The following REXO5 variants were observed in gnomAD, a reference collection of about 807,000 sequenced individuals.
REXO5 encodes RNA exonuclease 5, also known as exonuclease NEF-sp.
In REXO5, 48 loss-of-function variants were observed where a neutral mutation model predicts 88.5. The observed-to-expected ratio is 0.54, with a 90% CI of 0.43 to 0.69. The LOEUF (loss-of-function observed/expected upper bound fraction) is 0.69, where lower values mean the gene tolerates loss of function less well. Among genes scored for constraint, REXO5 ranks in the 30% least tolerant of loss-of-function variants. REXO5 has a pLI of 0.00. For missense variants in REXO5, 749 were observed against 912.2 expected, an observed-to-expected ratio of 0.82 and a Z score of 2.30; for synonymous variants, 311 against 336.5, an observed-to-expected ratio of 0.92 and a Z score of 0.83.
At chr16:20,806,774 G>T in intron 1 of REXO5, 69 bp downstream of exon 1, 1 of 1,108,920 alleles carries the variant, frequency 9.0e-7, no homozygotes. Context: ...GGAACGGGGA[G>T]ATCGTTGGCA....
At chr16:20,806,447 T>A, upstream of REXO5, 1 of 1,553,028 alleles carries the variant, frequency 6.4e-7, no homozygotes. Flanking sequence ...CACTCCTTGC[T>A]TTTCCAAGTC....
At chr16:20,827,301 GT>G in intron 9 of REXO5, 51 bp from the exon 10 acceptor site, 5 of 1,600,416 alleles carry the variant, frequency 3.1e-6, no homozygotes, top group Non-Finnish European at 4.3e-6. Context: ...TAGCCCACTT[GT>G]TTTTTCCTTT....
In REXO5 at chr16:20,840,453, T is replaced by A. The variant is rs754679350; in HGVS notation, c.1611T>A (p.Val537=). 1 of 1,554,926 alleles carries A rather than the reference T, an allele frequency of 6.4e-7. No homozygotes were observed. Among genetic ancestry groups the A allele is most frequent in the Non-Finnish European group, 8.8e-7 (1 of 1,138,840 alleles). The stretch of plus-strand genomic sequence containing the variant: ...GCCCAGTCCAGTCAATGACTTTTGT[T>A]CTTGAAACCCGTCAGGTAAGACCGG... The part of the protein sequence containing the change: ...SFGPVQSMTF[V]LETRQPHLCI... The change falls in exon 15 of 20, where the codon GTT becomes GTA. Residue 537 remains valine, a synonymous_variant. Transcript: ENST00000261377.
chr16:20,817,588 G>T (rs982143526), intron 5 of REXO5, among the ~76,000 whole-genome samples: 1 of 152,084 alleles, frequency 6.6e-6, no homozygotes, highest in African/African-American at 2.4e-5. Flanking sequence ...CAACCTACAG[G>T]CTTTGAATGT....
At chr16:20,844,915 A>C (rs2081583896) in intron 17 of REXO5, 70 bp downstream of exon 17, 1 of 1,552,766 alleles carries the variant, frequency 6.4e-7, no homozygotes, top group Non-Finnish European at 8.8e-7. Flanking sequence ...AGGTCAGAGA[A>C]AGGAAGATTC....
chr16:20,818,366 T>C (rs2081113466), intron 5 of REXO5, among the ~76,000 whole-genome samples: 1 of 152,252 alleles, frequency 6.6e-6, no homozygotes, highest in African/African-American at 2.4e-5. Flanking sequence ...AATATTTAAA[T>C]ATTTTGCTGG....
At chr16:20,837,791 G>C (rs2081457527) in intron 13 of REXO5, among the ~76,000 whole-genome samples, 1 of 152,034 alleles carries the variant, frequency 6.6e-6, no homozygotes, top group Non-Finnish European at 1.5e-5. Flanking sequence ...TTTTGAGACA[G>C]GGTCTTGCTC....
In REXO5 at chr16:20,807,007, C is replaced by T; in HGVS notation, c.54C>T (p.Ser18=). Reference sequence around the variant, plus strand: ...GACACCCCAGGAAGGTCAGGGAAAGCAGGCAGGCCCCAAATAAGCTGGTCG... The same window carrying T: ...GACACCCCAGGAAGGTCAGGGAAAGTAGGCAGGCCCCAAATAAGCTGGTCG... The part of the protein sequence containing the change: ...TERHPRKVRE[S]RQAPNKLVGA... The change falls in exon 2 of 20, where the codon AGC becomes AGT. Residue 18 remains serine, a synonymous_variant. Coordinates refer to ENST00000261377, the MANE Select transcript of REXO5 (RefSeq NM_030941.3). 1.2e-6 allele frequency: 2 copies of T among 1,601,576 alleles called. No individual in the cohort carries two copies. Among genetic ancestry groups the T allele is most frequent in the Non-Finnish European group, 8.5e-7 (1 of 1,174,338 alleles).
intron 5 of REXO5, among the ~76,000 whole-genome samples, chr16:20,816,662 G>C (rs1184271520): frequency 1.3e-5 from 2 of 152,100 alleles, no homozygotes; most frequent in Non-Finnish European, 2.9e-5. Context: ...TTTTTTTAAG[G>C]AAAAATGGGC....
chr16:20,827,537 A>C, intron 10 of REXO5, 90 bp downstream of exon 10: 1 of 937,194 alleles, frequency 1.1e-6, no homozygotes, highest in South Asian at 1.5e-5. Context: ...TGCAAAATTC[A>C]GGGTTTCTGC....
chr16:20,824,405 C>G, intron 6 of REXO5, 34 bp from the exon 7 acceptor site: 1 of 1,257,990 alleles, frequency 7.9e-7, no homozygotes, highest in Non-Finnish European at 1.2e-6. Flanking sequence ...CATCTCTATT[C>G]TAAAGGCAAA....
At chr16:20,824,035 G>A (rs1791382414) in intron 6 of REXO5, among the ~76,000 whole-genome samples, 1 of 152,078 alleles carries the variant, frequency 6.6e-6, no homozygotes, top group Non-Finnish European at 1.5e-5. Context: ...TTCTCTTCCT[G>A]TATTTAGGAA....
rs2081587429 is a variant in REXO5 at position 20,845,145 on chromosome 16, G to GC, written c.2029dup (p.His677ProfsTer12). The GC allele has an allele frequency of 4.3e-6, 7 of 1,614,126 alleles. No individual in the cohort carries two copies. The highest frequency in any genetic ancestry group is 5.9e-6 in the Non-Finnish European group (7 of 1,180,022). On this transcript the variant is annotated frameshift_variant, in exon 18 of 20. Coordinates refer to ENST00000261377, the MANE Select transcript of REXO5 (RefSeq NM_030941.3). LOFTEE classifies it high-confidence loss of function. ...AAGGCAGGCATGCCCTAACCCCCAG[G>GC]CACCTCCATGCCTGGCTCAGAGGCT...
chr16:20,821,918 C>T lies in REXO5; in HGVS notation c.616+16C>T. ...CCATTACAAGGTTGGCTTAGGCTTA[C>T]TCTGATATTGCTAACAATGTAAGAA... On this transcript the variant is annotated intron_variant, in intron 6 of 19. Transcript: ENST00000261377. 2 of 1,543,638 alleles carry T rather than the reference C, an allele frequency of 1.3e-6. No individual in the cohort carries two copies. Among genetic ancestry groups the T allele is most frequent in the Non-Finnish European group, 1.7e-6 (2 of 1,151,292 alleles).
intron 13 of REXO5, among the ~76,000 whole-genome samples, chr16:20,835,466 T>C (rs978698284): frequency 6.6e-6 from 1 of 152,208 alleles, no homozygotes; most frequent in Non-Finnish European, 1.5e-5. Flanking sequence ...GATTGTTTCC[T>C]CTAATCCTTT....
chr16:20,831,899 G>T (rs1163638063), intron 11 of REXO5, among the ~76,000 whole-genome samples: 1 of 152,082 alleles, frequency 6.6e-6, no homozygotes, highest in Non-Finnish European at 1.5e-5. Flanking sequence ...GCCCTACTTG[G>T]CCCTTCCCCA....
intron 15 of REXO5, 109 bp from the exon 16 acceptor site, chr16:20,843,825 G>C (rs1351076688): frequency 7.4e-6 from 5 of 673,982 alleles, no homozygotes; most frequent in Non-Finnish European, 1.3e-5. Context: ...CACAGTAAAG[G>C]CATCCATTCT....
intron 6 of REXO5, chr16:20,823,595 G>A (rs530930902): frequency 1.3e-5 from 2 of 152,174 alleles, no homozygotes; most frequent in Non-Finnish European, 2.9e-5. Flanking sequence ...CTCTGGGATA[G>A]ACCATCTTTT....
intron 14 of REXO5, 62 bp downstream of exon 14, chr16:20,839,921 A>G: frequency 2.0e-6 from 2 of 998,666 alleles, no homozygotes; most frequent in Non-Finnish European, 3.0e-6. Flanking sequence ...CTCATCATTA[A>G]GGAAAGTAAT....
Sources: allele counts gnomAD v4.1 joint callset (sites outside exome capture counted in the v4.1 genomes callset), GRCh38; gene constraint gnomAD v4.1.1; transcripts MANE v1.5; gene names NCBI Gene and HGNC (gene_info 2026-07-23, HGNC 2026-07-21).